The following EIF4G3 variants were observed in gnomAD, a reference collection of about 807,000 sequenced individuals.
The protein encoded by EIF4G3 is eIF-4-gamma 3.
Under a neutral mutation model 186.4 loss-of-function variants are expected in EIF4G3, and 34 were observed. That is an observed-to-expected ratio of 0.18 (90% CI 0.14 to 0.24). EIF4G3 has a LOEUF of 0.24. Ranked by LOEUF, EIF4G3 falls within the 10% of genes least tolerant of loss-of-function variation. The pLI is 1.00. For synonymous variants in EIF4G3, 673 were observed against 679.5 expected, an observed-to-expected ratio of 0.99 and a Z score of 0.15; for missense variants, 1,536 against 1,948.5, an observed-to-expected ratio of 0.79 and a Z score of 3.99.
intron 16 of EIF4G3, among the ~76,000 whole-genome samples, chr1:20,898,123 G>A (rs2088973618): frequency 6.6e-6 from 1 of 151,642 alleles, no homozygotes. Flanking sequence ...TGAGTCCTAG[G>A]GTTTTTTTAA....
At chr1:20,849,827 G>A (rs966860857) in intron 28 of EIF4G3, among the ~76,000 whole-genome samples, 5 of 152,120 alleles carry the variant, frequency 3.3e-5, no homozygotes, top group African/African-American at 1.2e-4. Context: ...AAGAGTACAT[G>A]AGGTCTTCAC....
At chr1:21,057,786 GAAGA>G (rs2094635518) in intron 3 of EIF4G3, among the ~76,000 whole-genome samples, 1 of 152,018 alleles carries the variant, frequency 6.6e-6, no homozygotes, top group Non-Finnish European at 1.5e-5. Context: ...ACTCTGCATA[GAAGA>G]AAGAAAATTT....
chr1:21,003,174 T>TC (rs201299829), intron 4 of EIF4G3, among the ~76,000 whole-genome samples: 47,763 of 144,124 alleles, frequency 0.33, 8,510 homozygotes, highest in Non-Finnish European at 0.41. Flanking sequence ...TTTTTTTCTT[T>TC]TTTTTTTTTT....
At chr1:21,025,244 T>A (rs1571241922) in intron 4 of EIF4G3, among the ~76,000 whole-genome samples, 1 of 152,184 alleles carries the variant, frequency 6.6e-6, no homozygotes, top group East Asian at 1.9e-4. Flanking sequence ...AAAAGACGGG[T>A]CAAGTAAGGA....
At chr1:21,072,922 G>T (rs180819506) in intron 3 of EIF4G3, among the ~76,000 whole-genome samples, 102 of 152,234 alleles carry the variant, frequency 6.7e-4, no homozygotes, top group African/African-American at 2.3e-3. Context: ...GGTTTAAATG[G>T]ATTTGTCTCA....
At chr1:21,158,169 C>CTTT (rs71014163) in intron 2 of EIF4G3, among the ~76,000 whole-genome samples, 463 of 99,408 alleles carry the variant, frequency 4.7e-3, no homozygotes, top group Middle Eastern at 8.1e-3. Flanking sequence ...AAATACATAG[C>CTTT]TTTTTTTTTT....
At chr1:21,086,557 T>C (rs538769607) in intron 3 of EIF4G3, among the ~76,000 whole-genome samples, 1 of 152,312 alleles carries the variant, frequency 6.6e-6, no homozygotes, top group East Asian at 1.9e-4. Flanking sequence ...GCTTTAAGTG[T>C]CACTTTCTCA....
chr1:21,006,748 C>T (rs565787399), intron 4 of EIF4G3, among the ~76,000 whole-genome samples: 1 of 152,154 alleles, frequency 6.6e-6, no homozygotes, highest in East Asian at 1.9e-4. Context: ...TGGTGAATTC[C>T]ATTATAAGAC....
At chr1:20,949,803 G>C (rs2154563352) in intron 13 of EIF4G3, among the ~76,000 whole-genome samples, 200 bp downstream of exon 13, 1 of 152,254 alleles carries the variant, frequency 6.6e-6, no homozygotes, top group East Asian at 1.9e-4. Context: ...TTAAACAAAT[G>C]TATGAAATAA....
chr1:20,981,871 CTA>C (rs1219623740), intron 8 of EIF4G3, among the ~76,000 whole-genome samples: 1 of 151,826 alleles, frequency 6.6e-6, no homozygotes, highest in Non-Finnish European at 1.5e-5. Context: ...TGATATTTCT[CTA>C]TTATATAAAA....
At position 20,980,367 on chromosome 1, in the gene EIF4G3, CAGGATAA is replaced by C; in HGVS notation, c.453_459del (p.Phe151LeufsTer29). The C allele has an allele frequency of 6.5e-7, 1 of 1,549,748 alleles. No homozygotes were observed. The highest frequency in any genetic ancestry group is 8.6e-7 in the Non-Finnish European group (1 of 1,159,236). On this transcript the variant is annotated frameshift_variant, in exon 10 of 37. Coordinates refer to ENST00000602326, the MANE Select transcript of EIF4G3 (RefSeq NM_001391906.1). LOFTEE classifies it high-confidence loss of function. ...TTGGGGAAGTCCCCAGGTCCTGGTC[CAGGATAA>C]AAAGGACCTGGCCCCGGTGGTTGAA...
intron 7 of EIF4G3, among the ~76,000 whole-genome samples, chr1:20,984,235 G>C (rs998345000): frequency 6.6e-6 from 1 of 151,344 alleles, no homozygotes; most frequent in African/African-American, 2.4e-5. Flanking sequence ...GGCTGATCTT[G>C]GCTCACTGCA....
In EIF4G3 at chr1:20,980,331, T is replaced by C. The variant is rs762401644; in HGVS notation, c.493+3A>G. On this transcript the variant is annotated splice_donor_region_variant and intron_variant, in intron 10 of 36. Transcript: ENST00000602326. Reference sequence around the variant, plus strand: ...CAGAAATGTCTTGACTTTTCCTACTTACCATAAGCATTGGGGAAGTCCCCA... The same window carrying C: ...CAGAAATGTCTTGACTTTTCCTACTCACCATAAGCATTGGGGAAGTCCCCA... 6.5e-6 allele frequency: 10 copies of C among 1,539,476 alleles called. No homozygotes were observed. The Admixed American group carries it at 1.2e-4, about 18-fold the overall frequency.
intron 2 of EIF4G3, among the ~76,000 whole-genome samples, chr1:21,101,574 A>AAAAAAAAAAAAC (rs1572565514): frequency 1.5e-5 from 2 of 136,896 alleles, no homozygotes; most frequent in Non-Finnish European, 3.3e-5. Flanking sequence ...AAAAAAAAAA[A>AAAAAAAAAAAAC]ACAACAAAAA....
intron 12 of EIF4G3, among the ~76,000 whole-genome samples, chr1:20,966,031 T>A (rs1057114009): frequency 2.0e-5 from 3 of 152,182 alleles, no homozygotes; most frequent in Non-Finnish European, 2.9e-5. Context: ...CCACCATTAA[T>A]GGGTCTCTGG....
Position 20,920,051 on chromosome 1 carries a change from C to A in EIF4G3, c.1664-15080G>T, listed in dbSNP as rs141782066. 5.2e-3 allele frequency among the ~76,000 whole-genome samples: 786 copies of A among 152,154 alleles called. 7 individuals are homozygous for A. The highest frequency in any genetic ancestry group is 0.018 in the African/African-American group (756 of 41,510). ...CCTCCCAAGTAGCTGGGATTACAGG[C>A]ACACACCACCACACCCAGCTAATTT... On this transcript the variant is annotated intron_variant, in intron 14 of 36. Transcript: ENST00000602326.
chr1:21,140,377 G>C (rs920673530), intron 2 of EIF4G3, among the ~76,000 whole-genome samples: 2 of 152,140 alleles, frequency 1.3e-5, no homozygotes, highest in Non-Finnish European at 2.9e-5. Context: ...GCAGTAGCGT[G>C]ATCTCAGCTC....
chr1:21,132,867 C>T (rs1162006258), intron 2 of EIF4G3, among the ~76,000 whole-genome samples: 1 of 152,164 alleles, frequency 6.6e-6, no homozygotes, highest in Non-Finnish European at 1.5e-5. Flanking sequence ...ACTGCAACTT[C>T]CGCCTCCCAG....
chr1:21,060,108 T>C lies in EIF4G3; in HGVS notation c.-195-9114A>G, dbSNP rs1269231924. 2.0e-5 allele frequency among the ~76,000 whole-genome samples: 3 copies of C among 152,194 alleles called. No homozygotes were observed. In the East Asian group the frequency reaches 5.8e-4, roughly 29 times the overall value. On this transcript the variant is annotated intron_variant, in intron 3 of 36. Coordinates refer to ENST00000602326, the MANE Select transcript of EIF4G3 (RefSeq NM_001391906.1). ...CTGGGACTACAGGCATGCACTACCATGCCCGGCTAATTTTTTATTTTTTGT... is the reference window on the plus strand; with the variant it reads ...CTGGGACTACAGGCATGCACTACCACGCCCGGCTAATTTTTTATTTTTTGT...
Sources: allele counts gnomAD v4.1 joint callset (sites outside exome capture counted in the v4.1 genomes callset), GRCh38; gene constraint gnomAD v4.1.1; transcripts MANE v1.5; gene names NCBI Gene and HGNC (gene_info 2026-07-23, HGNC 2026-07-21).